Variants in MAP4K4 observed in about 807,000 individuals in gnomAD.
The protein encoded by MAP4K4 is mitogen-activated protein kinase kinase kinase kinase 4.
Under a neutral mutation model 189.6 loss-of-function variants are expected in MAP4K4, and 38 were observed. The observed-to-expected ratio is 0.20, with a 90% CI of 0.15 to 0.26. MAP4K4 has a LOEUF of 0.26. MAP4K4 is among the 10% of genes least tolerant of loss of function. The probability of loss-of-function intolerance (pLI) is 1.00; values close to 1 mark genes in which losing one functional copy is unlikely to be tolerated. For missense variants in MAP4K4, 1,054 were observed against 1,726.9 expected (o/e 0.61, Z 6.91); for synonymous variants, 610 against 624.3 (o/e 0.98, Z 0.34).
chr2:101,724,112 AC>A (rs1366449778), intron 2 of MAP4K4, among the ~76,000 whole-genome samples: 5 of 152,142 alleles, frequency 3.3e-5, no homozygotes, highest in Admixed American at 6.5e-5. Flanking sequence ...CTTACATGAT[AC>A]TTATGGATGT....
chr2:101,723,043 TC>T (rs563646513), intron 2 of MAP4K4, among the ~76,000 whole-genome samples: 1 of 152,164 alleles, frequency 6.6e-6, no homozygotes, highest in South Asian at 2.1e-4. Flanking sequence ...GCCAGACATC[TC>T]CTTCACAAGG....
At chr2:101,832,564 A>G (rs2096622040) in intron 7 of MAP4K4, among the ~76,000 whole-genome samples, 1 of 152,218 alleles carries the variant, frequency 6.6e-6, no homozygotes. Context: ...TTTTTTATAT[A>G]CTGAAGTATC....
intron 12 of MAP4K4, among the ~76,000 whole-genome samples, chr2:101,844,940 A>C (rs772172532): frequency 1.3e-4 from 20 of 152,126 alleles, no homozygotes; most frequent in Non-Finnish European, 2.8e-4. Flanking sequence ...AAATAAAATA[A>C]AATAAAAAAG....
At chr2:101,786,405 A>T (rs892340571) in intron 2 of MAP4K4, among the ~76,000 whole-genome samples, 3 of 144,838 alleles carry the variant, frequency 2.1e-5, no homozygotes, top group Non-Finnish European at 4.5e-5. Flanking sequence ...TTTTCTTCTT[A>T]AAAAAAAAAC....
At chr2:101,874,131 T>C (rs747096617) in exon 26 of MAP4K4, 2 of 1,613,972 alleles carry the variant, frequency 1.2e-6, no homozygotes, top group Admixed American at 3.3e-5. Context: ...GGCAAGATCC[T>C]ACCCGGAAAG....
At chr2:101,882,724 T>C (rs1404519534) in intron 28 of MAP4K4, 39 bp downstream of exon 28, 2 of 1,476,924 alleles carry the variant, frequency 1.4e-6, no homozygotes. Context: ...TTTCCAGAGT[T>C]TGATTAGAGT....
intron 2 of MAP4K4, among the ~76,000 whole-genome samples, chr2:101,733,497 T>G (rs529955078): frequency 2.8e-4 from 42 of 152,214 alleles, no homozygotes; most frequent in African/African-American, 9.6e-4. Flanking sequence ...CAGTGGCCAT[T>G]AGGTGTGATG....
chr2:101,731,344 T>C (rs2058396919), intron 2 of MAP4K4, among the ~76,000 whole-genome samples: 1 of 151,758 alleles, frequency 6.6e-6, no homozygotes, highest in Admixed American at 6.6e-5. Flanking sequence ...CTCGAACTCC[T>C]GACCTAGGTG....
In MAP4K4 at chr2:101,866,578, A is replaced by G. The variant is rs548111049; in HGVS notation, c.2355A>G (p.Arg785=). 10 of 1,611,638 alleles carry G rather than the reference A, an allele frequency of 6.2e-6. No homozygotes were observed. In the South Asian group the frequency reaches 7.7e-5, roughly 12 times the overall value. ...GCTCCGGGGAACGCTTCAGAGTGAG[A>G]TGTAAGCTGCCTTTCCTTTCCTTTT... is the stretch of plus-strand genomic sequence containing the variant. The change falls in exon 19 of 33, where the codon AGA becomes AGG. Residue 785 remains arginine, a splice_region_variant and synonymous_variant. Transcript: ENST00000324219.
At chr2:101,754,405 G>T (rs1277049022) in intron 2 of MAP4K4, among the ~76,000 whole-genome samples, 4 of 145,468 alleles carry the variant, frequency 2.7e-5, no homozygotes, top group African/African-American at 1.0e-4. Flanking sequence ...AGGCTGGAGT[G>T]CAGTGGCGTG....
At chr2:101,718,547 G>A (rs971283694) in intron 2 of MAP4K4, among the ~76,000 whole-genome samples, 2 of 136,172 alleles carry the variant, frequency 1.5e-5, no homozygotes, top group Non-Finnish European at 1.6e-5. Context: ...TTAGGGCCAG[G>A]GCTGACAGTG....
chr2:101,797,431 C>T (rs777115823), intron 3 of MAP4K4: 40 of 1,275,934 alleles, frequency 3.1e-5, no homozygotes, highest in Non-Finnish European at 3.9e-5. Context: ...CCCCCTCCTG[C>T]ACCGCCCCCT....
chr2:101,817,861 G>A (rs1265455024), intron 3 of MAP4K4, among the ~76,000 whole-genome samples: 1 of 152,060 alleles, frequency 6.6e-6, no homozygotes, highest in Non-Finnish European at 1.5e-5. Context: ...TAATTTTTCC[G>A]TCAGTTTTTA....
rs556763825 is a variant in MAP4K4, at chr2:101,875,527, G to A, written c.3241+1275G>A. On this transcript the variant is annotated intron_variant, in intron 26 of 32. Coordinates refer to ENST00000324219, the Ensembl canonical transcript of MAP4K4. Reference sequence around the variant, plus strand: ...GTAGGAGCGTTGTTCTCTCAATGCCGTCACAATTATTTATTTCAGATTATC... The same window carrying A: ...GTAGGAGCGTTGTTCTCTCAATGCCATCACAATTATTTATTTCAGATTATC... Among the ~76,000 whole-genome samples, 5 of 152,268 alleles carry A rather than the reference G, an allele frequency of 3.3e-5. No homozygotes were observed. In the East Asian group the frequency reaches 9.7e-4, roughly 29 times the overall value.
At chr2:101,859,913 A>G in intron 15 of MAP4K4, 49 bp downstream of exon 15, 1 of 1,522,616 alleles carries the variant, frequency 6.6e-7, no homozygotes, top group South Asian at 1.2e-5. Context: ...AAGTCGTATA[A>G]CGACTCTTCA....
intron 12 of MAP4K4, among the ~76,000 whole-genome samples, chr2:101,847,148 G>A (rs776662767): frequency 2.0e-5 from 3 of 152,172 alleles, no homozygotes; most frequent in African/African-American, 2.4e-5. Flanking sequence ...CCATTGTAAC[G>A]TGTAATGGGT....
chr2:101,714,440 G>C (rs183288850), intron 2 of MAP4K4, among the ~76,000 whole-genome samples: 474 of 152,200 alleles, frequency 3.1e-3, no homozygotes, highest in Non-Finnish European at 5.6e-3. Flanking sequence ...CATTTCAAAA[G>C]AGGCTGTTTG....
intron 2 of MAP4K4, among the ~76,000 whole-genome samples, chr2:101,706,826 A>G (rs763049818): frequency 6.6e-6 from 1 of 152,226 alleles, no homozygotes; most frequent in African/African-American, 2.4e-5. Flanking sequence ...GAAAGGGTAT[A>G]TGGGTATTAA....
chr2:101,740,153 T>TGA lies in MAP4K4; in HGVS notation c.123+41615_123+41616insGA, dbSNP rs1460437555. Among the ~76,000 whole-genome samples, 185 of 109,448 alleles carry TGA rather than the reference T, an allele frequency of 1.7e-3. 6 individuals carry two copies. The highest frequency in any genetic ancestry group is 7.4e-3 in the African/African-American group (101 of 13,704). 71.8% of individuals were successfully genotyped at this position (109,448 alleles called of 152,430 possible). A position where few individuals can be genotyped will look rare whatever the true frequency, so the allele number is the denominator to read the frequency against. Reference sequence around the variant, plus strand: ...GCTTCAAAGTTGCTTTATATCATCTTTTTTTTTTTTTTTTTTTTGAGACGG... The same window carrying TGA: ...GCTTCAAAGTTGCTTTATATCATCTTGATTTTTTTTTTTTTTTTTTGAGACGG... On this transcript the variant is annotated intron_variant, in intron 2 of 32. Coordinates refer to ENST00000324219, the Ensembl canonical transcript of MAP4K4.
Sources: allele counts gnomAD v4.1 joint callset (sites outside exome capture counted in the v4.1 genomes callset), GRCh38; gene constraint gnomAD v4.1.1; transcripts MANE v1.5; gene names NCBI Gene and HGNC (gene_info 2026-07-23, HGNC 2026-07-21).